Variants in NPC1 observed in about 807,000 individuals in gnomAD.
NPC1 encodes the protein NPC intracellular cholesterol transporter 1, also known as Niemann-Pick C1 protein.
In NPC1, 85 loss-of-function variants were observed where a neutral mutation model predicts 140.4. That is an observed-to-expected ratio of 0.61 (90% CI 0.51 to 0.72). The LOEUF is 0.72. NPC1 is among the 30% of genes least tolerant of loss of function. The pLI is 0.00. For missense variants in NPC1, 1,504 were observed against 1,623.8 expected (o/e 0.93, Z 1.27); for synonymous variants, 656 against 624.8 (o/e 1.05, Z -0.74).
chr18:23,554,372 G>C (rs534260807), intron 9 of NPC1, among the ~76,000 whole-genome samples: 6 of 152,196 alleles, frequency 3.9e-5, no homozygotes, highest in African/African-American at 1.4e-4. Flanking sequence ...TTGGGAGGCC[G>C]AGGTGGGCGG....
intron 1 of NPC1, among the ~76,000 whole-genome samples, chr18:23,581,006 TCA>T (rs2059349764): frequency 6.6e-6 from 1 of 152,222 alleles, no homozygotes; most frequent in Non-Finnish European, 1.5e-5. Context: ...GGTGTTTAAG[TCA>T]TATATTTTGA....
intron 1 of NPC1, among the ~76,000 whole-genome samples, chr18:23,578,758 C>T (rs569599060): frequency 1.3e-4 from 20 of 152,362 alleles, no homozygotes; most frequent in South Asian, 1.0e-3. Context: ...GTGCTTAAGA[C>T]GAAACCAATC....
chr18:23,540,801 T>C (rs1316593796), intron 16 of NPC1, among the ~76,000 whole-genome samples: 2 of 152,206 alleles, frequency 1.3e-5, no homozygotes, highest in Non-Finnish European at 2.9e-5. Context: ...TTCCTCATTA[T>C]TAAGAGGAAA....
downstream of NPC1, among the ~76,000 whole-genome samples, chr18:23,525,949 C>T (rs1197284769): frequency 6.6e-6 from 1 of 152,220 alleles, no homozygotes; most frequent in African/African-American, 2.4e-5. Context: ...TAACCCATAG[C>T]CTCATGTGAC....
rs769570326 is a variant in NPC1 at position 23,538,657 on chromosome 18, A to C, written c.2926T>G (p.Cys976Gly). Residue 976 changes from cysteine (C) to glycine (G), a missense_variant, in exon 20 of 25, where the codon TGC (cysteine) becomes GGC (glycine). Coordinates refer to ENST00000269228, the MANE Select transcript of NPC1 (RefSeq NM_000271.5). ...FCNASVVDPACVRCRPLTPEG... is the reference protein window; with the variant it reads ...FCNASVVDPAGVRCRPLTPEG... ...GGAGTCAGAGGCCTGCAGCGAACGC[A>C]GGCAGGGTCAACCACTGGCGGAGAC... The C allele has an allele frequency of 6.2e-7, 1 of 1,614,136 alleles. No individual in the cohort carries two copies. Among genetic ancestry groups the C allele is most frequent in the Non-Finnish European group, 8.5e-7 (1 of 1,180,022 alleles).
At chr18:23,523,684 T>C (rs934045520) in intron 1 of NPC1, among the ~76,000 whole-genome samples, 2 of 151,856 alleles carry the variant, frequency 1.3e-5, no homozygotes, top group East Asian at 3.9e-4. Context: ...GATCAACTAC[T>C]GCACTCAAGC....
intron 3 of NPC1, among the ~76,000 whole-genome samples, chr18:23,509,982 T>C (rs2057808358): frequency 7.8e-6 from 1 of 128,072 alleles, no homozygotes; most frequent in South Asian, 2.5e-4. Flanking sequence ...GGGGATTTTA[T>C]TCTTTTTTTT....
chr18:23,563,120 T>C (rs1282877597), intron 4 of NPC1, among the ~76,000 whole-genome samples: 2 of 152,180 alleles, frequency 1.3e-5, no homozygotes, highest in Non-Finnish European at 2.9e-5. Context: ...AATCCAATCA[T>C]ATAATATGTG....
At chr18:23,544,638 ATG>A in intron 12 of NPC1, 112 bp from the exon 13 acceptor site, 1 of 976,850 alleles carries the variant, frequency 1.0e-6, no homozygotes, top group Non-Finnish European at 1.6e-6. Context: ...CTAGAGTTGA[ATG>A]TACAATTCTG....
intron 4 of NPC1, among the ~76,000 whole-genome samples, chr18:23,566,334 T>C (rs2059122725): frequency 6.6e-6 from 1 of 152,216 alleles, no homozygotes; most frequent in Non-Finnish European, 1.5e-5. Flanking sequence ...CAGTGAGCCA[T>C]GATTGCATCA....
chr18:23,516,043 C>G (rs182715039), intron 3 of NPC1: 3 of 1,612,616 alleles, frequency 1.9e-6, no homozygotes, highest in African/African-American at 2.7e-5. Context: ...CCAGTTGTCC[C>G]CTGTTCCTGT....
At chr18:23,543,287 C>T (rs994236629) in intron 14 of NPC1, among the ~76,000 whole-genome samples, 168 bp downstream of exon 14, 39 of 149,910 alleles carry the variant, frequency 2.6e-4, no homozygotes, top group Non-Finnish European at 5.0e-4. Context: ...CGAGATTGCA[C>T]CACTGCACTC....
downstream of NPC1, chr18:23,529,892 C>T: frequency 9.4e-7 from 1 of 1,059,754 alleles, no homozygotes; most frequent in East Asian, 2.4e-5. Context: ...GGGGTCTTTA[C>T]CTGCATGACG....
chr18:23,566,436 A>G (rs1030184790), intron 4 of NPC1, among the ~76,000 whole-genome samples: 2 of 152,016 alleles, frequency 1.3e-5, no homozygotes, highest in African/African-American at 4.8e-5. Flanking sequence ...TAATTTAAAA[A>G]CTAAATAAAA....
At chr18:23,556,652 A>G in intron 7 of NPC1, 39 bp from the exon 8 acceptor site, 3 of 1,610,898 alleles carry the variant, frequency 1.9e-6, no homozygotes, top group Non-Finnish European at 2.5e-6. Flanking sequence ...GGAGGTTAAG[A>G]GCCAAGCCGT....
In NPC1 at chr18:23,543,542, G is replaced by T; in HGVS notation, c.2158C>A (p.Leu720Met). 6.2e-7 allele frequency: 1 copy of T among 1,604,980 alleles called. No homozygotes were observed. Among genetic ancestry groups the T allele is most frequent in the Non-Finnish European group, 8.5e-7 (1 of 1,175,998 alleles). Reference sequence around the variant, plus strand: ...AGGACCCTGCCCAGCTGCTGATCCAGGGTTTCCCCTTGAAGACGTTCATCT... The same window carrying T: ...AGGACCCTGCCCAGCTGCTGATCCATGGTTTCCCCTTGAAGACGTTCATCT... ...QRDERLQGET[L>M]DQQLGRVLGE... The change falls in exon 14 of 25, where the codon CTG (leucine) becomes ATG (methionine). Residue 720 changes from leucine to methionine, a missense_variant. By Grantham distance (15) the Leu-to-Met change is conservative. Transcript: ENST00000269228.
rs1045798708 is a variant in NPC1 at position 23,573,471 on chromosome 18, T to C, written c.161A>G (p.Asp54Gly). 2 of 1,614,192 alleles carry C rather than the reference T, an allele frequency of 1.2e-6. No individual in the cohort carries two copies. Among genetic ancestry groups the C allele is most frequent in the East Asian group, 2.2e-5 (1 of 44,876 alleles). The part of the protein sequence containing the change: ...YSGPPKPLPK[D>G]GYDLVQELCP... Reference sequence around the variant, plus strand: ...ACTTACCTGCACTAAGTCATATCCATCCTTTGGCAATGGTTTTGGTGGGCC... The same window carrying C: ...ACTTACCTGCACTAAGTCATATCCACCCTTTGGCAATGGTTTTGGTGGGCC... The change falls in exon 2 of 25, where the codon GAT becomes GGT. Residue 54 changes from aspartate to glycine, a missense_variant. Asp to Gly is a moderately conservative substitution (Grantham distance 94). Transcript: ENST00000269228.
At chr18:23,540,335 C>A (rs994160162) in intron 17 of NPC1, 113 bp downstream of exon 17, 2 of 752,646 alleles carry the variant, frequency 2.7e-6, no homozygotes, top group African/African-American at 3.5e-5. Flanking sequence ...ACCCTGTCAC[C>A]ATTTGCAGTT....
Position 23,544,943 on chromosome 18 carries a change from A to AGCCCCCCC in NPC1, c.1947+16_1947+17insGGGGGGGC. On this transcript the variant is annotated intron_variant, in intron 12 of 24. Transcript: ENST00000269228. The stretch of plus-strand genomic sequence containing the variant: ...GCTGTTAACCTCTAGAACATACACC[A>AGCCCCCCC]CCCCCCCCCGGCTTACCAGAAGCCT... 4 of 1,032,964 alleles carry AGCCCCCCC rather than the reference A, an allele frequency of 3.9e-6. No individual in the cohort carries two copies. The highest frequency in any genetic ancestry group is 1.3e-5 in the South Asian group (1 of 74,506). 64.0% of individuals were successfully genotyped at this position (1,032,964 alleles called of 1,614,324 possible).
Sources: gnomAD v4.1 joint callset for allele counts (sites outside exome capture counted in the v4.1 genomes callset) on GRCh38, gnomAD v4.1.1 for gene constraint, MANE v1.5 for transcripts, NCBI Gene and HGNC (gene_info 2026-07-23, HGNC 2026-07-21) for gene names.